The following SRD5A1 variants were observed in gnomAD, a reference collection of about 807,000 sequenced individuals.
SRD5A1 encodes the protein 3-oxo-5-alpha-steroid 4-dehydrogenase 1.
Under a neutral mutation model 28.2 loss-of-function variants are expected in SRD5A1, and 22 were observed. The ratio of observed to expected loss-of-function variants is 0.78; its 90% CI spans 0.56 to 1.12. The LOEUF (loss-of-function observed/expected upper bound fraction) is 1.12. Among genes scored for constraint, SRD5A1 ranks in the 50% most tolerant of loss-of-function variants. The probability of loss-of-function intolerance (pLI) is 0.00; values close to 1 mark genes in which losing one functional copy is unlikely to be tolerated. For synonymous variants in SRD5A1, 151 were observed against 135.0 expected (o/e 1.12, Z -0.82); for missense variants, 300 against 346.7 (o/e 0.87, Z 1.07).
intron 4 of SRD5A1, among the ~76,000 whole-genome samples, chr5:6,666,727 G>T (rs980614222): frequency 6.6e-6 from 1 of 152,062 alleles, no homozygotes; most frequent in Admixed American, 6.5e-5. Context: ...TCCCTTCATT[G>T]TGTGAGAACA....
chr5:6,650,221 G>C (rs1175290724), intron 1 of SRD5A1, among the ~76,000 whole-genome samples: 1 of 151,924 alleles, frequency 6.6e-6, no homozygotes, highest in East Asian at 1.9e-4. Context: ...CTAGAGATCA[G>C]ACATAGAGAG....
Position 6,674,220 on chromosome 5 carries a change from TATC to T in SRD5A1, c.*5957_*5959del, listed in dbSNP as rs1344095295. ...TTTTGCTTTATTATTATTATGTTAA[TATC>T]ATCAACTGTAACTAGTGTACAACAC... is the stretch of plus-strand genomic sequence containing the variant. On this transcript the variant is annotated 3_prime_UTR_variant, in exon 5 of 5. Coordinates refer to ENST00000274192, the MANE Select transcript of SRD5A1 (RefSeq NM_001047.4). 1.3e-5 allele frequency: 2 copies of T among 152,148 alleles called. No homozygotes were observed. The highest frequency in any genetic ancestry group is 1.9e-4 in the East Asian group (1 of 5,206). 9.4% of individuals were successfully genotyped at this position (152,148 alleles called of 1,614,324 possible). A position where few individuals can be genotyped will look rare whatever the true frequency, so the allele number is the denominator to read the frequency against.
intron 1 of SRD5A1, among the ~76,000 whole-genome samples, chr5:6,638,494 G>A (rs1290539207): frequency 6.6e-6 from 1 of 152,212 alleles, no homozygotes; most frequent in African/African-American, 2.4e-5. Flanking sequence ...TTAGTGGGTG[G>A]TTTCTCCTTG....
intron 1 of SRD5A1, among the ~76,000 whole-genome samples, chr5:6,642,072 C>G (rs938892085): frequency 6.6e-6 from 1 of 152,132 alleles, no homozygotes; most frequent in African/African-American, 2.4e-5. Flanking sequence ...GTGGTAAATT[C>G]AAAATATATT....
rs961133230 is a variant in SRD5A1 at position 6,633,628 on chromosome 5, T to C, written c.52T>C (p.Tyr18His). 28 of 1,545,704 alleles carry C rather than the reference T, an allele frequency of 1.8e-5. No individual in the cohort carries two copies. The highest frequency in any genetic ancestry group is 2.3e-5 in the Non-Finnish European group (27 of 1,153,576). ...AEERLLAALA[Y>H]LQCAVGCAVF... ...GGAGCGCCTGCTGGCCGCGCTCGCC[T>C]ACCTGCAGTGCGCCGTGGGCTGCGC... is the stretch of plus-strand genomic sequence containing the variant. The change falls in exon 1 of 5, where the codon TAC becomes CAC. Residue 18 changes from tyrosine to histidine, a missense_variant. By Grantham distance (83) the Tyr-to-His change is moderately conservative. Around this residue, in one of 2 missense-constraint regions of SRD5A1, gnomAD observed 174 missense variants for 160.9 expected, o/e 1.08. Transcript: ENST00000274192.
intron 1 of SRD5A1, among the ~76,000 whole-genome samples, chr5:6,636,985 G>A (rs969840902): frequency 7.2e-5 from 11 of 152,144 alleles, no homozygotes; most frequent in African/African-American, 2.4e-4. Flanking sequence ...TCCCCCAGGA[G>A]GGCAAAGGAC....
chr5:6,642,273 A>G lies in SRD5A1; in HGVS notation c.293+8404A>G, dbSNP rs186893672. ...TTTATCTCTATAAATGGAAGCGTTG[A>G]CATCAGTCCACATGTATATGATTTT... On this transcript the variant is annotated intron_variant, in intron 1 of 4. Transcript: ENST00000274192. 5.9e-5 allele frequency among the ~76,000 whole-genome samples: 9 copies of G among 152,336 alleles called. No individual in the cohort carries two copies. The East Asian group carries it at 1.5e-3, about 26-fold the overall frequency.
At position 6,651,940 on chromosome 5, in the gene SRD5A1, A is replaced by G. The variant is rs891046145; in HGVS notation, c.392A>G (p.Gln131Arg). The G allele has an allele frequency of 6.2e-7, 1 of 1,614,040 alleles. No homozygotes were observed. The highest frequency in any genetic ancestry group is 8.5e-7 in the Non-Finnish European group (1 of 1,180,006). The change falls in exon 2 of 5, where the codon CAA (glutamine) becomes CGA (arginine). Residue 131 changes from glutamine to arginine, a missense_variant. Gln to Arg is a conservative substitution (Grantham distance 43). Transcript: ENST00000274192. ...TTCTGTACCTGTAACGGCTATTTGCAAAGCAGATACTTGAGCCATTGTGCA... is the reference window on the plus strand; with the variant it reads ...TTCTGTACCTGTAACGGCTATTTGCGAAGCAGATACTTGAGCCATTGTGCA... ...IMFCTCNGYL[Q>R]SRYLSHCAVY...
chr5:6,671,058 T>G lies in SRD5A1; in HGVS notation c.*2790T>G, dbSNP rs941488090. 2.0e-5 allele frequency: 3 copies of G among 152,204 alleles called. No homozygotes were observed. The highest frequency in any genetic ancestry group is 7.2e-5 in the African/African-American group (3 of 41,456). 9.4% of individuals were successfully genotyped at this position (152,204 alleles called of 1,614,324 possible). ...TTGCTGGATCAAATGGTAGTTCTAC[T>G]TTTAGTTCTAAGGAATTTCCACACT... is the stretch of plus-strand genomic sequence containing the variant. On this transcript the variant is annotated 3_prime_UTR_variant, in exon 5 of 5. Transcript: ENST00000274192.
At position 6,669,375 on chromosome 5, in the gene SRD5A1, A is replaced by G. The variant is rs370343790; in HGVS notation, c.*1107A>G. 6.6e-6 allele frequency: 1 copy of G among 152,186 alleles called. No homozygotes were observed. Among genetic ancestry groups the G allele is most frequent in the Non-Finnish European group, 1.5e-5 (1 of 68,046 alleles). The allele number at this position is 152,186 out of a possible 1,614,324, so 9.4% of individuals were successfully genotyped here. ...CCCTCATAGCCTGTACCTGTTATCA[A>G]TATAAAATAATCTTCCTGTTGAATG... is the stretch of plus-strand genomic sequence containing the variant. On this transcript the variant is annotated 3_prime_UTR_variant, in exon 5 of 5. Transcript: ENST00000274192.
Position 6,633,472 on chromosome 5 carries a change from C to T in SRD5A1, c.-105C>T, listed in dbSNP as rs895146530. On this transcript the variant is annotated 5_prime_UTR_variant, in exon 1 of 5. Coordinates refer to ENST00000274192, the MANE Select transcript of SRD5A1 (RefSeq NM_001047.4). Reference sequence around the variant, plus strand: ...GCAGAGTCCCGGCAGTGCGGGACTCCGGTAGCCGCCCCTCCGGTAGCCGCC... The same window carrying T: ...GCAGAGTCCCGGCAGTGCGGGACTCTGGTAGCCGCCCCTCCGGTAGCCGCC... 3.9e-6 allele frequency: 5 copies of T among 1,276,398 alleles called. No homozygotes were observed. Among genetic ancestry groups the T allele is most frequent in the African/African-American group, 3.2e-5 (2 of 63,052 alleles). 79.1% of individuals were successfully genotyped at this position (1,276,398 alleles called of 1,614,324 possible). A position where few individuals can be genotyped will look rare whatever the true frequency, so the allele number is the denominator to read the frequency against.
chr5:6,652,990 GGTA>G (rs1343977655), intron 2 of SRD5A1, among the ~76,000 whole-genome samples: 1 of 151,722 alleles, frequency 6.6e-6, no homozygotes, highest in Non-Finnish European at 1.5e-5. Context: ...TGCTTACAAT[GGTA>G]GCATGCTAAA....
chr5:6,641,802 G>A (rs1021912494), intron 1 of SRD5A1, among the ~76,000 whole-genome samples: 1 of 152,244 alleles, frequency 6.6e-6, no homozygotes, highest in Non-Finnish European at 1.5e-5. Flanking sequence ...ATTCAAAAAT[G>A]CAGCTACGCA....
At chr5:6,656,055 A>T (rs994840530) in intron 2 of SRD5A1, 23 bp from the exon 3 acceptor site, 1 of 1,595,894 alleles carries the variant, frequency 6.3e-7, no homozygotes, top group African/African-American at 1.3e-5. Context: ...AGCCATAATC[A>T]TCTTGCAATT....
chr5:6,662,509 C>G (rs930568967), intron 3 of SRD5A1, among the ~76,000 whole-genome samples: 1 of 152,198 alleles, frequency 6.6e-6, no homozygotes, highest in African/African-American at 2.4e-5. Flanking sequence ...ACATGGTTTA[C>G]TCTGTATTCT....
At chr5:6,635,123 C>T (rs1437803013) in intron 1 of SRD5A1, among the ~76,000 whole-genome samples, 2 of 152,218 alleles carry the variant, frequency 1.3e-5, no homozygotes. Context: ...AGCTCCACTA[C>T]TTGGAACCAG....
intron 1 of SRD5A1, among the ~76,000 whole-genome samples, chr5:6,640,871 C>CTTTTTAATTAAAACTATGAAA (rs1437288240): frequency 6.6e-6 from 1 of 152,192 alleles, no homozygotes; most frequent in Non-Finnish European, 1.5e-5. Flanking sequence ...CCTTTTTAAT[C>CTTTTTAATTAAAACTATGAAA]CAAGTGCTTC....
At chr5:6,640,303 A>G (rs531086198) in intron 1 of SRD5A1, among the ~76,000 whole-genome samples, 32 of 152,318 alleles carry the variant, frequency 2.1e-4, no homozygotes, top group African/African-American at 7.7e-4. Flanking sequence ...ACACTTTGAT[A>G]AGGAACTATA....
intron 1 of SRD5A1, 87 bp from the exon 2 acceptor site, chr5:6,651,755 T>C (rs1738676817): frequency 7.6e-7 from 1 of 1,311,842 alleles, no homozygotes; most frequent in Non-Finnish European, 1.0e-6. Context: ...GAAAGTAAGA[T>C]TTAAAACCCA....
Sources: gnomAD v4.1 joint callset for allele counts (sites outside exome capture counted in the v4.1 genomes callset) on GRCh38, gnomAD v4.1.1 for gene constraint, gnomAD v4.1.1 regional missense constraint, MANE v1.5 for transcripts, NCBI Gene and HGNC (gene_info 2026-07-23, HGNC 2026-07-21) for gene names.